SUMF1: variants seen among roughly 807,000 people sequenced by gnomAD.
The protein encoded by SUMF1 is formylglycine-generating enzyme.
A neutral mutation model predicts 47.6 loss-of-function variants in SUMF1; 48 were observed. The ratio of observed to expected loss-of-function variants is 1.01; its 90% confidence interval spans 0.80 to 1.28. The LOEUF (loss-of-function observed/expected upper bound fraction) is 1.28, where lower values mean the gene tolerates loss of function less well. Ranked by LOEUF, SUMF1 falls within the 50% of genes most tolerant of loss-of-function variation. The pLI is 0.00. For missense variants in SUMF1, 571 were observed against 485.4 expected (o/e 1.18, Z -1.66); for synonymous variants, 230 against 192.1 (o/e 1.20, Z -1.63).
At chr3:4,457,921 A>G (rs545810859) in intron 1 of SUMF1, among the ~76,000 whole-genome samples, 45 of 152,330 alleles carry the variant, frequency 3.0e-4, no homozygotes, top group Non-Finnish European at 5.0e-4. Flanking sequence ...AGGCTTCTGT[A>G]TGGCAAAGGA....
In SUMF1 at chr3:4,105,723, C is replaced by T. The variant is rs528285425; in HGVS notation, c.1015-36978G>A. Among the ~76,000 whole-genome samples the T allele has an allele frequency of 1.0e-3, 159 of 152,094 alleles. 1 individual carries two copies. Among genetic ancestry groups the T allele is most frequent in the African/African-American group, 3.1e-3 (127 of 41,478 alleles). On this transcript the variant is annotated intron_variant and NMD_transcript_variant, in intron 8 of 12. Transcript: ENST00000448413. ...TTTGTTAAAAAGAAATAAGACAAGA[C>T]GATAAAATTAAAGTCTACACTGCTC...
At chr3:4,128,615 G>A (rs143111752) in intron 8 of SUMF1, among the ~76,000 whole-genome samples, 9 of 152,226 alleles carry the variant, frequency 5.9e-5, no homozygotes, top group South Asian at 4.2e-4. Flanking sequence ...CTAAAGTACC[G>A]ACAGGCACTT....
chr3:4,423,901 C>A (rs76713877), intron 3 of SUMF1, among the ~76,000 whole-genome samples: 1 of 152,250 alleles, frequency 6.6e-6, no homozygotes, highest in East Asian at 1.9e-4. Flanking sequence ...ATGTGAAGCG[C>A]CTGCTCCCAC....
rs962243614 is a variant in SUMF1, at chr3:4,171,328, T to C, written c.1015-102583A>G. On this transcript the variant is annotated intron_variant and NMD_transcript_variant, in intron 8 of 12. Coordinates refer to the SUMF1 transcript ENST00000448413. The stretch of plus-strand genomic sequence containing the variant: ...ATGATGGTCAGCACACATGAGTCTA[T>C]AAGTAGGTCTCCAGAACAGGCGATA... Among the ~76,000 whole-genome samples the C allele has an allele frequency of 3.3e-5, 5 of 152,222 alleles. No homozygotes were observed. In the East Asian group the frequency reaches 7.7e-4, roughly 24 times the overall value.
chr3:4,333,171 C>T (rs915060143), intron 8 of SUMF1, among the ~76,000 whole-genome samples: 2 of 152,240 alleles, frequency 1.3e-5, no homozygotes, highest in Non-Finnish European at 2.9e-5. Context: ...GAAGCTGTCA[C>T]ACTTGCCCTC....
intron 8 of SUMF1, among the ~76,000 whole-genome samples, chr3:4,295,493 A>G (rs1697832071): frequency 6.6e-6 from 1 of 151,986 alleles, no homozygotes; most frequent in Non-Finnish European, 1.5e-5. Context: ...ACTCTAGAAA[A>G]AATTCTGTTT....
chr3:4,132,966 G>A (rs1266850752), intron 8 of SUMF1, among the ~76,000 whole-genome samples: 1 of 152,090 alleles, frequency 6.6e-6, no homozygotes, highest in Admixed American at 6.6e-5. Flanking sequence ...AGGAATGAAG[G>A]TTAGGTTCAC....
At chr3:4,131,627 G>A (rs1693791610) in intron 8 of SUMF1, among the ~76,000 whole-genome samples, 1 of 152,136 alleles carries the variant, frequency 6.6e-6, no homozygotes, top group African/African-American at 2.4e-5. Context: ...TGTAGCTAAT[G>A]GTTTGGCTGG....
chr3:4,297,559 C>A (rs1251801201), intron 8 of SUMF1, among the ~76,000 whole-genome samples: 1 of 139,128 alleles, frequency 7.2e-6, no homozygotes, highest in Admixed American at 7.8e-5. Flanking sequence ...AGCCACTACA[C>A]CTGAATTTTT....
At chr3:4,233,158 G>A (rs1323843005) in intron 8 of SUMF1, among the ~76,000 whole-genome samples, 1 of 152,140 alleles carries the variant, frequency 6.6e-6, no homozygotes, top group Non-Finnish European at 1.5e-5. Flanking sequence ...TTTGGCAGCA[G>A]CAGACGCTTT....
intron 8 of SUMF1, among the ~76,000 whole-genome samples, chr3:4,138,630 G>A (rs1694000706): frequency 6.6e-6 from 1 of 152,096 alleles, no homozygotes; most frequent in African/African-American, 2.4e-5. Flanking sequence ...ACACATCACA[G>A]CTAGGATGAG....
chr3:4,262,644 G>T (rs1055499952), intron 8 of SUMF1, among the ~76,000 whole-genome samples: 11 of 152,162 alleles, frequency 7.2e-5, no homozygotes, highest in Non-Finnish European at 1.6e-4. Context: ...TATTTTCTCA[G>T]CAGCCCCAGC....
intron 8 of SUMF1, among the ~76,000 whole-genome samples, chr3:4,297,303 A>G (rs1697872589): frequency 6.6e-6 from 1 of 152,192 alleles, no homozygotes; most frequent in Non-Finnish European, 1.5e-5. Context: ...AAAAGGATCA[A>G]TTACCATGCT....
chr3:4,271,675 T>C (rs2125036696), intron 8 of SUMF1, among the ~76,000 whole-genome samples: 1 of 152,214 alleles, frequency 6.6e-6, no homozygotes, highest in African/African-American at 2.4e-5. Flanking sequence ...CTAATTAATT[T>C]TATTTTGTAG....
At chr3:4,068,330 ATCTG>A (rs1695427890) in intron 9 of SUMF1, among the ~76,000 whole-genome samples, 1 of 152,192 alleles carries the variant, frequency 6.6e-6, no homozygotes, top group Non-Finnish European at 1.5e-5. Context: ...AGAAAGAGCA[ATCTG>A]TCTAATAGAA....
intron 8 of SUMF1, among the ~76,000 whole-genome samples, chr3:4,277,090 C>G (rs1030228132): frequency 6.6e-6 from 1 of 152,084 alleles, no homozygotes; most frequent in Admixed American, 6.6e-5. Context: ...GTCTATTATA[C>G]GCGGAACCTG....
In SUMF1 at chr3:4,167,038, G is replaced by A. The variant is rs1349269440; in HGVS notation, c.1015-98293C>T. Among the ~76,000 whole-genome samples the A allele has an allele frequency of 2.0e-5, 3 of 152,046 alleles. No individual in the cohort carries two copies. The East Asian group carries it at 5.8e-4, about 29-fold the overall frequency. On this transcript the variant is annotated intron_variant and NMD_transcript_variant, in intron 8 of 12. Coordinates refer to the SUMF1 transcript ENST00000448413. ...GAACAGCAAGCAAAAGGGTTCTGAT[G>A]GTACTCACCACGTGGCGATACCCCG...
intron 8 of SUMF1, chr3:4,313,405 C>T (rs1242564294): frequency 6.2e-7 from 1 of 1,613,814 alleles, no homozygotes; most frequent in African/African-American, 1.3e-5. Flanking sequence ...TGGAAGATTC[C>T]TTAATCATTC....
chr3:4,302,890 T>C (rs760439101), intron 8 of SUMF1, among the ~76,000 whole-genome samples: 6 of 152,120 alleles, frequency 3.9e-5, no homozygotes, highest in Non-Finnish European at 7.4e-5. Context: ...GGAGTGAGCA[T>C]GCCCCCACAC....
Sources: gnomAD v4.1 joint callset for allele counts (sites outside exome capture counted in the v4.1 genomes callset) on GRCh38, gnomAD v4.1.1 for gene constraint, MANE v1.5 for transcripts, NCBI Gene and HGNC (gene_info 2026-07-23, HGNC 2026-07-21) for gene names.